Variants in EZR observed in about 807,000 individuals in gnomAD.
The protein encoded by EZR is ezrin.
EZR carries 40 observed loss-of-function variants against 74.8 expected under a neutral mutation model. That is an observed-to-expected ratio of 0.53 (90% CI 0.42 to 0.70). The LOEUF (loss-of-function observed/expected upper bound fraction) is 0.70, where lower values mean the gene tolerates loss of function less well. Among genes scored for constraint, EZR ranks in the 30% least tolerant of loss-of-function variants. The pLI is 0.00. For synonymous variants in EZR, 341 were observed against 283.3 expected (o/e 1.20, Z -2.05); for missense variants, 678 against 755.8 (o/e 0.90, Z 1.21).
chr6:158,807,148 T>TA (rs910800110), intron 2 of EZR, among the ~76,000 whole-genome samples: 3 of 151,658 alleles, frequency 2.0e-5, no homozygotes, highest in Non-Finnish European at 2.9e-5. Context: ...CCGTCTCTAC[T>TA]AAAAAATACA....
At chr6:158,770,462 G>A (rs900268903) in intron 10 of EZR, among the ~76,000 whole-genome samples, 1 of 152,130 alleles carries the variant, frequency 6.6e-6, no homozygotes, top group African/African-American at 2.4e-5. Flanking sequence ...GGGGACTGTG[G>A]GCAAATCACT....
chr6:158,793,050 T>C (rs954142042), intron 2 of EZR, among the ~76,000 whole-genome samples: 2 of 150,394 alleles, frequency 1.3e-5, no homozygotes, highest in South Asian at 2.1e-4. Context: ...GCCAGGCCCA[T>C]TGGCTCATGC....
Position 158,767,581 on chromosome 6 carries a change from CTG to C in EZR, c.1345-71_1345-70del, listed in dbSNP as rs1790934974. On this transcript the variant is annotated intron_variant, in intron 12 of 13. Transcript: ENST00000367075. ...CTATCCTCCTGGCTATGAGAACAGA[CTG>C]TCACCTCCCTCTGTCCTGGCAGGCT... 1.2e-5 allele frequency: 18 copies of C among 1,475,940 alleles called. No homozygotes were observed. In the South Asian group the frequency reaches 2.4e-4, roughly 19 times the overall value. 91.4% of individuals were successfully genotyped at this position (1,475,940 alleles called of 1,614,324 possible). A position where few individuals can be genotyped will look rare whatever the true frequency, so the allele number is the denominator to read the frequency against.
At chr6:158,818,988 C>G (rs1777630717) in intron 1 of EZR, among the ~76,000 whole-genome samples, 1 of 152,156 alleles carries the variant, frequency 6.6e-6, no homozygotes, top group African/African-American at 2.4e-5. Flanking sequence ...CAACCGTTGC[C>G]CCGCGGCTGC....
At chr6:158,786,603 C>T (rs1474755080) in intron 4 of EZR, among the ~76,000 whole-genome samples, 2 of 151,956 alleles carry the variant, frequency 1.3e-5, no homozygotes, top group Non-Finnish European at 2.9e-5. Flanking sequence ...CTCTTCCCCA[C>T]CTCCCATCAT....
intron 7 of EZR, among the ~76,000 whole-genome samples, chr6:158,778,770 A>G (rs901600380): frequency 2.0e-5 from 3 of 152,206 alleles, no homozygotes; most frequent in African/African-American, 7.2e-5. Context: ...AGGTGCTCCT[A>G]AAGGCCAAAT....
At chr6:158,818,549 G>A (rs988970884) in intron 1 of EZR, among the ~76,000 whole-genome samples, 8 of 151,396 alleles carry the variant, frequency 5.3e-5, no homozygotes, top group Non-Finnish European at 1.2e-4. Flanking sequence ...GGAGGATCGG[G>A]GGGAGGGGGC....
At chr6:158,786,943 G>A (rs974118811) in intron 4 of EZR, among the ~76,000 whole-genome samples, 165 bp downstream of exon 4, 1 of 152,150 alleles carries the variant, frequency 6.6e-6, no homozygotes, top group African/African-American at 2.4e-5. Context: ...ATTTCCAATC[G>A]ATATCTCCAT....
intron 5 of EZR, 131 bp downstream of exon 5, chr6:158,785,178 T>C: frequency 8.7e-7 from 1 of 1,153,832 alleles, no homozygotes; most frequent in East Asian, 2.4e-5. Flanking sequence ...AGTGACTTAA[T>C]GACTAGCATG....
At chr6:158,767,648 G>A (rs1041683947) in intron 12 of EZR, 136 bp from the exon 13 acceptor site, 82 of 887,010 alleles carry the variant, frequency 9.2e-5, no homozygotes, top group Non-Finnish European at 1.3e-4. Flanking sequence ...GCTTCGAAGA[G>A]GAGCACCCTC....
chr6:158,773,201 TG>T (rs1365407526), intron 8 of EZR, among the ~76,000 whole-genome samples: 1 of 151,978 alleles, frequency 6.6e-6, no homozygotes, highest in East Asian at 1.9e-4. Flanking sequence ...GGTGCATGGG[TG>T]GGGGGATCAA....
intron 2 of EZR, among the ~76,000 whole-genome samples, chr6:158,804,755 C>T (rs968180525): frequency 3.3e-5 from 5 of 151,128 alleles, no homozygotes; most frequent in African/African-American, 1.2e-4. Context: ...TTTTTCCTTT[C>T]TTTTTTTCTT....
intron 8 of EZR, among the ~76,000 whole-genome samples, chr6:158,775,647 C>A (rs1451371904): frequency 5.9e-5 from 9 of 152,176 alleles, no homozygotes; most frequent in South Asian, 2.1e-4. Flanking sequence ...AAGGTGGTAA[C>A]AGAATTTCTT....
At chr6:158,816,806 C>T (rs55741713) in intron 2 of EZR, among the ~76,000 whole-genome samples, 260 of 152,212 alleles carry the variant, frequency 1.7e-3, no homozygotes, top group Admixed American at 3.1e-3. Context: ...GCACACAAGG[C>T]CGGGTGTGGT....
chr6:158,776,603 A>G lies in EZR; in HGVS notation c.699-99T>C. ...ATCAATTCTTATTAGTTCAATTAAAATAATATGAAGCTAACCCAAGAGGCA... is the reference window on the plus strand; with the variant it reads ...ATCAATTCTTATTAGTTCAATTAAAGTAATATGAAGCTAACCCAAGAGGCA... On this transcript the variant is annotated intron_variant, in intron 7 of 13. Coordinates refer to ENST00000367075, the MANE Select transcript of EZR (RefSeq NM_001111077.2). 3.6e-6 allele frequency: 3 copies of G among 830,714 alleles called. No homozygotes were observed. In the East Asian group the frequency reaches 7.7e-5, roughly 21 times the overall value. The allele number at this position is 830,714 out of a possible 1,614,324, so 51.5% of individuals were successfully genotyped here. A position where few individuals can be genotyped will look rare whatever the true frequency, so the allele number is the denominator to read the frequency against.
chr6:158,786,246 C>A (rs528943089), intron 4 of EZR, among the ~76,000 whole-genome samples: 25 of 152,180 alleles, frequency 1.6e-4, no homozygotes, highest in African/African-American at 5.8e-4. Context: ...TGATGGCATG[C>A]AGCTGTAGTC....
chr6:158,795,041 A>C (rs985090549), intron 2 of EZR, among the ~76,000 whole-genome samples: 6 of 152,002 alleles, frequency 3.9e-5, no homozygotes, highest in Non-Finnish European at 8.8e-5. Context: ...ACTTGATGTC[A>C]GGAGTTCAAG....
At chr6:158,768,768 T>C (rs1791000483) in intron 12 of EZR, among the ~76,000 whole-genome samples, 1 of 152,124 alleles carries the variant, frequency 6.6e-6, no homozygotes, top group Non-Finnish European at 1.5e-5. Flanking sequence ...CCTTATGAGT[T>C]GGGTATTGCC....
chr6:158,808,138 G>A (rs1432553545), intron 2 of EZR, among the ~76,000 whole-genome samples: 1 of 152,218 alleles, frequency 6.6e-6, no homozygotes, highest in East Asian at 1.9e-4. Context: ...AGAAGAATGC[G>A]TGTGTGGAGT....
Sources: gnomAD v4.1 joint callset for allele counts (sites outside exome capture counted in the v4.1 genomes callset) on GRCh38, gnomAD v4.1.1 for gene constraint, MANE v1.5 for transcripts, NCBI Gene and HGNC (gene_info 2026-07-23, HGNC 2026-07-21) for gene names.